CTNND2: variants seen among roughly 807,000 people sequenced by gnomAD.
CTNND2 encodes the protein catenin delta-2.
A neutral mutation model predicts 144.4 loss-of-function variants in CTNND2; 22 were observed. The ratio of observed to expected loss-of-function variants is 0.15; its 90% confidence interval spans 0.11 to 0.22. CTNND2 has a LOEUF of 0.22. CTNND2 is among the 10% of genes least tolerant of loss of function. The pLI, the probability that CTNND2 is intolerant of heterozygous loss-of-function variation, is 1.00. For missense variants in CTNND2, 1,353 were observed against 1,618.8 expected (o/e 0.84, Z 2.82); for synonymous variants, 751 against 695.6 (o/e 1.08, Z -1.25).
At chr5:11,880,820 GTACTACCAC>G (rs1171632633) in intron 1 of CTNND2, among the ~76,000 whole-genome samples, 5 of 85,258 alleles carry the variant, frequency 5.9e-5, no homozygotes, top group African/African-American at 1.9e-4. Context: ...ACTGCTACTA[GTACTACCAC>G]TACTACCACT....
chr5:11,248,998 T>C (rs901278818), intron 9 of CTNND2, among the ~76,000 whole-genome samples: 1 of 152,240 alleles, frequency 6.6e-6, no homozygotes, highest in Non-Finnish European at 1.5e-5. Context: ...TCTAACAAAA[T>C]GTGGTCTAAT....
At chr5:11,024,848 C>T (rs768104294) in intron 16 of CTNND2, among the ~76,000 whole-genome samples, 32 of 152,136 alleles carry the variant, frequency 2.1e-4, no homozygotes, top group Non-Finnish European at 3.8e-4. Flanking sequence ...GATTAAGATG[C>T]GGGTCTCCCT....
At chr5:11,627,334 C>T (rs1581630622) in intron 2 of CTNND2, among the ~76,000 whole-genome samples, 1 of 152,168 alleles carries the variant, frequency 6.6e-6, no homozygotes, top group Non-Finnish European at 1.5e-5. Flanking sequence ...GAGTTACCAG[C>T]AGTTCTTCAG....
intron 2 of CTNND2, among the ~76,000 whole-genome samples, chr5:11,721,491 C>T (rs2126718165): frequency 1.3e-5 from 2 of 152,266 alleles, no homozygotes; most frequent in Middle Eastern, 6.8e-3. Context: ...TGGTTATCTA[C>T]TGCTGTGTAA....
chr5:11,514,411 G>A (rs1163033115), intron 3 of CTNND2, among the ~76,000 whole-genome samples: 4 of 152,062 alleles, frequency 2.6e-5, no homozygotes, highest in East Asian at 1.9e-4. Context: ...TTTCCTGACA[G>A]CTGGCTGTAT....
intron 9 of CTNND2, among the ~76,000 whole-genome samples, chr5:11,257,928 C>T (rs1744444227): frequency 6.6e-6 from 1 of 152,190 alleles, no homozygotes; most frequent in African/African-American, 2.4e-5. Context: ...TTCAACATCG[C>T]CATCATTCTC....
At chr5:11,140,358 A>C (rs777431312) in intron 12 of CTNND2, among the ~76,000 whole-genome samples, 6 of 152,240 alleles carry the variant, frequency 3.9e-5, no homozygotes, top group Non-Finnish European at 8.8e-5. Context: ...TTATCTCAAA[A>C]GGAAAAACAG....
At chr5:11,095,206 G>A (rs937709581) in intron 15 of CTNND2, among the ~76,000 whole-genome samples, 7 of 152,092 alleles carry the variant, frequency 4.6e-5, no homozygotes, top group Non-Finnish European at 8.8e-5. Flanking sequence ...CCTGAGATAC[G>A]GAACCTGCAA....
intron 9 of CTNND2, among the ~76,000 whole-genome samples, chr5:11,331,386 T>C (rs1304005689): frequency 6.6e-6 from 1 of 152,226 alleles, no homozygotes; most frequent in Non-Finnish European, 1.5e-5. Context: ...ACTTTGGTTC[T>C]AAAGGCAAAA....
At chr5:11,212,115 T>C (rs1357412067) in intron 10 of CTNND2, among the ~76,000 whole-genome samples, 1 of 152,228 alleles carries the variant, frequency 6.6e-6, no homozygotes, top group Non-Finnish European at 1.5e-5. Flanking sequence ...TTTGAAGATA[T>C]ATTTTTGTAG....
At chr5:11,007,612 T>C (rs182068509) in intron 18 of CTNND2, among the ~76,000 whole-genome samples, 1 of 152,406 alleles carries the variant, frequency 6.6e-6, no homozygotes, top group African/African-American at 2.4e-5. Flanking sequence ...CGTACAGTTC[T>C]CTTTCCATCG....
chr5:11,665,395 G>T (rs1219851819), intron 2 of CTNND2, among the ~76,000 whole-genome samples: 2 of 152,100 alleles, frequency 1.3e-5, no homozygotes, highest in African/African-American at 4.8e-5. Flanking sequence ...ATAACATCTA[G>T]CTTTACCATA....
At chr5:11,655,246 AAG>A (rs1782851618) in intron 2 of CTNND2, among the ~76,000 whole-genome samples, 2 of 152,024 alleles carry the variant, frequency 1.3e-5, no homozygotes, top group Non-Finnish European at 2.9e-5. Flanking sequence ...TTTCACATGT[AAG>A]AGAGACTTAA....
intron 20 of CTNND2, among the ~76,000 whole-genome samples, chr5:10,982,571 C>G (rs1737423253): frequency 6.6e-6 from 1 of 152,264 alleles, no homozygotes; most frequent in Non-Finnish European, 1.5e-5. Context: ...CCACCACTCC[C>G]TTCACAGCTG....
At chr5:11,853,865 GA>G in intron 1 of CTNND2, among the ~76,000 whole-genome samples, 1 of 152,274 alleles carries the variant, frequency 6.6e-6, no homozygotes, top group South Asian at 2.1e-4. Flanking sequence ...CTCCTCGTCT[GA>G]GCCGCCATCA....
At chr5:11,748,712 C>A (rs991588843) in intron 1 of CTNND2, among the ~76,000 whole-genome samples, 3 of 151,976 alleles carry the variant, frequency 2.0e-5, no homozygotes, top group Non-Finnish European at 4.4e-5. Flanking sequence ...TCCCTCTCAC[C>A]TGCATTTATA....
In CTNND2 at chr5:11,559,607, C is replaced by T. The variant is rs145140402; in HGVS notation, c.287+5337G>A. ...TGCCTGCTTGCCCAGCCTTCTGAGA[C>T]GCTTCTCCCCAGCCTCCTGAGATCC... On this transcript the variant is annotated intron_variant, in intron 3 of 21. Transcript: ENST00000304623. Among the ~76,000 whole-genome samples the T allele has an allele frequency of 2.0e-3, 300 of 152,296 alleles. 1 individual carries two copies. The highest frequency in any genetic ancestry group is 6.7e-3 in the African/African-American group (277 of 41,578).
chr5:11,304,850 T>C (rs1348815418), intron 9 of CTNND2, among the ~76,000 whole-genome samples: 1 of 152,180 alleles, frequency 6.6e-6, no homozygotes, highest in Non-Finnish European at 1.5e-5. Context: ...CTGCTGGGAA[T>C]CTCCACGTGT....
intron 9 of CTNND2, among the ~76,000 whole-genome samples, chr5:11,266,546 G>A (rs1246898360): frequency 1.3e-5 from 2 of 152,176 alleles, no homozygotes; most frequent in Non-Finnish European, 2.9e-5. Flanking sequence ...TCTCATTACA[G>A]GGTTACCTGG....
Sources: allele counts gnomAD v4.1 joint callset (sites outside exome capture counted in the v4.1 genomes callset), GRCh38; gene constraint gnomAD v4.1.1; transcripts MANE v1.5; gene names NCBI Gene and HGNC (gene_info 2026-07-23, HGNC 2026-07-21).